The following PRKG1 variants were observed in gnomAD, a reference collection of about 807,000 sequenced individuals.
The protein encoded by PRKG1 is protein kinase cGMP-dependent 1, also known as cGMP-dependent protein kinase 1.
In PRKG1, 35 loss-of-function variants were observed where a neutral mutation model predicts 88.1. That is an observed-to-expected ratio of 0.40 (90% CI 0.30 to 0.53). The LOEUF (loss-of-function observed/expected upper bound fraction) is 0.53, where lower values mean the gene tolerates loss of function less well. Ranked by LOEUF, PRKG1 falls within the 20% of genes least tolerant of loss-of-function variation. The pLI is 0.59. For missense variants in PRKG1, 540 were observed against 839.8 expected (o/e 0.64, Z 4.41); for synonymous variants, 303 against 292.5 (o/e 1.04, Z -0.37).
chr10:51,085,292 C>T (rs545608487), intron 1 of PRKG1, among the ~76,000 whole-genome samples: 10 of 152,226 alleles, frequency 6.6e-5, no homozygotes, highest in African/African-American at 1.9e-4. Context: ...GAGAAGATAG[C>T]CTTAGATTAG....
chr10:51,765,651 A>G (rs1838139041), intron 3 of PRKG1, among the ~76,000 whole-genome samples: 2 of 152,014 alleles, frequency 1.3e-5, no homozygotes, highest in Non-Finnish European at 2.9e-5. Flanking sequence ...GGCCCATACC[A>G]TTAACCTCAC....
At chr10:51,477,221 G>T (rs1840222073) in intron 3 of PRKG1, among the ~76,000 whole-genome samples, 1 of 151,282 alleles carries the variant, frequency 6.6e-6, no homozygotes, top group Non-Finnish European at 1.5e-5. Context: ...AACTCTCTGG[G>T]GAGCATCACT....
At chr10:51,922,743 G>A (rs1006747291) in intron 5 of PRKG1, among the ~76,000 whole-genome samples, 1 of 151,788 alleles carries the variant, frequency 6.6e-6, no homozygotes, top group African/African-American at 2.4e-5. Flanking sequence ...TAATTTAATT[G>A]TAGTCTAAAC....
At position 52,014,418 on chromosome 10, in the gene PRKG1, C is replaced by T. The variant is rs148515575; in HGVS notation, c.763-40066C>T. Reference sequence around the variant, plus strand: ...TATCCCTATCATGATAACACCATGGCGGAAACAGCCTCCATGATCCAATCA... The same window carrying T: ...TATCCCTATCATGATAACACCATGGTGGAAACAGCCTCCATGATCCAATCA... On this transcript the variant is annotated intron_variant, in intron 5 of 17. Coordinates refer to ENST00000373980, the MANE Select transcript of PRKG1 (RefSeq NM_006258.4). 2.6e-3 allele frequency among the ~76,000 whole-genome samples: 400 copies of T among 152,136 alleles called. 2 individuals carry two copies. Among genetic ancestry groups the T allele is most frequent in the African/African-American group, 8.6e-3 (357 of 41,504 alleles).
intron 3 of PRKG1, among the ~76,000 whole-genome samples, chr10:51,576,497 G>A (rs1379946714): frequency 6.6e-6 from 1 of 151,896 alleles, no homozygotes; most frequent in Non-Finnish European, 1.5e-5. Flanking sequence ...AAATAGAGAG[G>A]TATAGATAAT....
At chr10:51,212,447 A>G (rs934941790) in intron 2 of PRKG1, among the ~76,000 whole-genome samples, 1 of 152,232 alleles carries the variant, frequency 6.6e-6, no homozygotes, top group African/African-American at 2.4e-5. Flanking sequence ...AATGGCAACA[A>G]AAGCCAAAAT....
At chr10:51,559,591 G>T (rs999474212) in intron 3 of PRKG1, among the ~76,000 whole-genome samples, 4 of 151,952 alleles carry the variant, frequency 2.6e-5, no homozygotes, top group African/African-American at 9.7e-5. Context: ...AAATAAAAAT[G>T]TTGTTTTATG....
At chr10:51,590,840 T>G (rs1411375335) in intron 3 of PRKG1, among the ~76,000 whole-genome samples, 1 of 152,090 alleles carries the variant, frequency 6.6e-6, no homozygotes, top group East Asian at 1.9e-4. Context: ...TATTGCAACC[T>G]CAATAAAACT....
chr10:51,041,307 CTCTACCCCA>C (rs1340202989), intron 1 of PRKG1, among the ~76,000 whole-genome samples: 11 of 151,728 alleles, frequency 7.2e-5, no homozygotes, highest in Non-Finnish European at 1.2e-4. Flanking sequence ...CTGCTTGGTG[CTCTACCCCA>C]TTGTATCTGA....
intron 2 of PRKG1, among the ~76,000 whole-genome samples, chr10:51,398,627 G>A (rs1160188761): frequency 2.0e-5 from 3 of 152,202 alleles, no homozygotes; most frequent in African/African-American, 7.2e-5. Flanking sequence ...AATTCTATGT[G>A]TCAACTTGAC....
At chr10:51,584,467 A>C (rs2339808) in intron 3 of PRKG1, among the ~76,000 whole-genome samples, 21,646 of 151,996 alleles carry the variant, frequency 0.14, 1,655 homozygotes, top group African/African-American at 0.2. Flanking sequence ...AATGATAGGA[A>C]AATTCTCAGG....
At chr10:51,112,039 G>A (rs557226274) in intron 1 of PRKG1, among the ~76,000 whole-genome samples, 1 of 152,224 alleles carries the variant, frequency 6.6e-6, no homozygotes, top group Admixed American at 6.5e-5. Context: ...TGGATGGCGT[G>A]TAAGGTAGGA....
chr10:52,133,875 A>G lies in PRKG1; in HGVS notation c.971A>G (p.Glu324Gly). Residue 324 changes from glutamate (E) to glycine (G), a missense_variant, in exon 8 of 18, where the codon GAA (glutamate) becomes GGA (glycine). Glu to Gly is a moderately conservative substitution (Grantham distance 98, BLOSUM62 -2). Coordinates refer to ENST00000373980, the MANE Select transcript of PRKG1 (RefSeq NM_006258.4). ...DVRTANVIAAEAVTCLVIDRD... is the reference protein window; with the variant it reads ...DVRTANVIAAGAVTCLVIDRD... ...AGAACAGCAAACGTAATTGCTGCAG[A>G]AGCTGTAACCTGCCTTGTGATTGAC... 1 of 1,613,294 alleles carries G rather than the reference A, an allele frequency of 6.2e-7. No individual in the cohort carries two copies. Among genetic ancestry groups the G allele is most frequent in the Non-Finnish European group, 8.5e-7 (1 of 1,179,462 alleles).
At chr10:51,050,488 T>G (rs1843547178) in intron 1 of PRKG1, among the ~76,000 whole-genome samples, 1 of 152,158 alleles carries the variant, frequency 6.6e-6, no homozygotes, top group Admixed American at 6.5e-5. Context: ...TTGCAATGCA[T>G]TTCCTTCTTT....
intron 3 of PRKG1, among the ~76,000 whole-genome samples, chr10:51,684,842 G>C (rs1298902654): frequency 6.6e-6 from 1 of 151,978 alleles, no homozygotes; most frequent in Admixed American, 6.6e-5. Context: ...ATTCCAGCCT[G>C]GGTGACAGAG....
At chr10:52,008,337 G>A (rs1047502314) in intron 5 of PRKG1, among the ~76,000 whole-genome samples, 2 of 152,022 alleles carry the variant, frequency 1.3e-5, no homozygotes, top group Non-Finnish European at 2.9e-5. Flanking sequence ...ACAGATGTAG[G>A]TGTTGGTTTT....
intron 4 of PRKG1, among the ~76,000 whole-genome samples, chr10:51,897,155 G>A (rs1306880246): frequency 2.6e-5 from 4 of 152,226 alleles, no homozygotes; most frequent in Non-Finnish European, 4.4e-5. Context: ...TGCAGAAAAT[G>A]TCTAATAAGC....
chr10:51,809,190 C>A (rs1422492190), intron 4 of PRKG1, among the ~76,000 whole-genome samples: 1 of 151,986 alleles, frequency 6.6e-6, no homozygotes, highest in Non-Finnish European at 1.5e-5. Flanking sequence ...CCACATCAAA[C>A]TGTGATTCTG....
At chr10:51,868,290 C>T (rs529933285) in intron 4 of PRKG1, among the ~76,000 whole-genome samples, 5 of 152,086 alleles carry the variant, frequency 3.3e-5, no homozygotes, top group South Asian at 2.1e-4. Context: ...AAGGATGAAG[C>T]GCCAACTAGA....
Sources: allele counts gnomAD v4.1 joint callset (sites outside exome capture counted in the v4.1 genomes callset), GRCh38; gene constraint gnomAD v4.1.1; transcripts MANE v1.5; gene names NCBI Gene and HGNC (gene_info 2026-07-23, HGNC 2026-07-21).